FAXC: variants seen among roughly 807,000 people sequenced by gnomAD.
FAXC encodes failed axon connections homolog, metaxin like GST domain containing.
In FAXC, 10 loss-of-function variants were observed where a neutral mutation model predicts 41.9. The ratio of observed to expected loss-of-function variants is 0.24; its 90% CI spans 0.15 to 0.41. The LOEUF (loss-of-function observed/expected upper bound fraction) is 0.41. Ranked by LOEUF, FAXC falls within the 10% of genes least tolerant of loss-of-function variation. The pLI is 1.00. For missense variants in FAXC, 399 were observed against 510.9 expected, an observed-to-expected ratio of 0.78 and a Z score of 2.11; for synonymous variants, 183 against 183.8, an observed-to-expected ratio of 1.00 and a Z score of 0.03.
intron 2 of FAXC, among the ~76,000 whole-genome samples, chr6:99,339,567 T>A (rs1773341637): frequency 6.6e-6 from 1 of 152,124 alleles, no homozygotes; most frequent in African/African-American, 2.4e-5. Flanking sequence ...AAAATTTAAG[T>A]AACATAATAA....
rs754962041 is a variant in FAXC at position 99,303,257 on chromosome 6, C to T, written c.824-11437G>A. On this transcript the variant is annotated intron_variant, in intron 4 of 5. Transcript: ENST00000389677. ...TACTCAGTAAGGACAGAAGTCACAC[C>T]AGATGATGAACTCTACTTGAACACT... Among the ~76,000 whole-genome samples, 6 of 152,126 alleles carry T rather than the reference C, an allele frequency of 3.9e-5. No individual in the cohort carries two copies. The South Asian group carries it at 8.3e-4, about 21-fold the overall frequency.
intron 2 of FAXC, among the ~76,000 whole-genome samples, chr6:99,339,201 G>A (rs988718356): frequency 6.6e-6 from 1 of 152,204 alleles, no homozygotes; most frequent in Non-Finnish European, 1.5e-5. Context: ...CAACCTCCCA[G>A]TTGGTCTGTT....
rs532356601 is a variant in FAXC, at chr6:99,278,988, T to C, written c.*2176A>G. ...GTTCATAGAAAAAAATTCAAATACA[T>C]TTCTTTTCTACTAAAATGTGGTGGG... On this transcript the variant is annotated 3_prime_UTR_variant, in exon 6 of 6. Transcript: ENST00000389677. 1 of 152,360 alleles carries C rather than the reference T, an allele frequency of 6.6e-6. No individual in the cohort carries two copies. The highest frequency in any genetic ancestry group is 2.4e-5 in the African/African-American group (1 of 41,586). 9.4% of individuals were successfully genotyped at this position (152,360 alleles called of 1,614,324 possible).
intron 4 of FAXC, among the ~76,000 whole-genome samples, chr6:99,309,398 A>G (rs1182585377): frequency 6.6e-6 from 1 of 152,206 alleles, no homozygotes; most frequent in Non-Finnish European, 1.5e-5. Context: ...AGCCACAAGG[A>G]TTTCTAAGAA....
At chr6:99,294,301 C>T (rs943863271) in intron 4 of FAXC, among the ~76,000 whole-genome samples, 3 of 152,162 alleles carry the variant, frequency 2.0e-5, no homozygotes, top group African/African-American at 7.2e-5. Context: ...GGGTGCATCC[C>T]GCTGGCGCCA....
chr6:99,305,422 A>G (rs1431908852), intron 4 of FAXC, among the ~76,000 whole-genome samples: 2 of 151,884 alleles, frequency 1.3e-5, no homozygotes, highest in African/African-American at 4.8e-5. Context: ...CTACAGCCAG[A>G]CTCCCAGGGC....
chr6:99,277,717 T>C lies in FAXC; in HGVS notation c.*3447A>G, dbSNP rs1360065289. The C allele has an allele frequency of 6.6e-6, 1 of 152,082 alleles. No homozygotes were observed. Among genetic ancestry groups the C allele is most frequent in the Non-Finnish European group, 1.5e-5 (1 of 68,012 alleles). 9.4% of individuals were successfully genotyped at this position (152,082 alleles called of 1,614,324 possible). The stretch of plus-strand genomic sequence containing the variant: ...GACTTCTCAGGTAACATGCATTTTA[T>C]AAGACAACAAAGCCACAGTGGTATA... On this transcript the variant is annotated 3_prime_UTR_variant, in exon 6 of 6. Coordinates refer to ENST00000389677, the MANE Select transcript of FAXC (RefSeq NM_032511.4).
intron 1 of FAXC, 117 bp downstream of exon 1, chr6:99,348,990 C>T: frequency 1.0e-6 from 1 of 960,128 alleles, no homozygotes; most frequent in South Asian, 1.6e-5. Flanking sequence ...AATTGCAGGG[C>T]GCTTGGGCAT....
chr6:99,317,725 T>C (rs923584257), intron 4 of FAXC, among the ~76,000 whole-genome samples: 1 of 152,206 alleles, frequency 6.6e-6, no homozygotes, highest in South Asian at 2.1e-4. Context: ...CCATTCATAT[T>C]TTGTATCTCA....
chr6:99,294,028 C>T (rs1771365121), intron 4 of FAXC, among the ~76,000 whole-genome samples: 1 of 152,078 alleles, frequency 6.6e-6, no homozygotes, highest in Non-Finnish European at 1.5e-5. Flanking sequence ...ATCATTTCCC[C>T]TATATATGCC....
At chr6:99,317,135 A>G (rs527535771) in intron 4 of FAXC, among the ~76,000 whole-genome samples, 1 of 152,006 alleles carries the variant, frequency 6.6e-6, no homozygotes, top group African/African-American at 2.4e-5. Context: ...AGAAAAGTAT[A>G]TTACATTTTT....
Position 99,349,012 on chromosome 6 carries a change from G to C in FAXC, c.266+95C>G, listed in dbSNP as rs75411978. 0.12 allele frequency: 155,443 copies of C among 1,269,050 alleles called. 10,998 individuals carry two copies. Among genetic ancestry groups the C allele is most frequent in the Non-Finnish European group, 0.14 (129,339 of 910,284 alleles). The allele number at this position is 1,269,050 out of a possible 1,614,324, so 78.6% of individuals were successfully genotyped here. On this transcript the variant is annotated intron_variant, in intron 1 of 5. Coordinates refer to ENST00000389677, the MANE Select transcript of FAXC (RefSeq NM_032511.4). The stretch of plus-strand genomic sequence containing the variant: ...GGGCGCTTGGGCATCTGGGCAGCTT[G>C]ACCGAGGGGCTGGCACGGGCCCCTC...
At chr6:99,296,020 T>C (rs1263510579) in intron 4 of FAXC, among the ~76,000 whole-genome samples, 1 of 152,200 alleles carries the variant, frequency 6.6e-6, no homozygotes, top group Non-Finnish European at 1.5e-5. Flanking sequence ...TTCTTTCCCA[T>C]TTCCTAATGT....
intron 2 of FAXC, among the ~76,000 whole-genome samples, chr6:99,341,329 C>T (rs143662553): frequency 6.6e-6 from 1 of 151,114 alleles, no homozygotes; most frequent in Non-Finnish European, 1.5e-5. Context: ...TTAAAGTTGC[C>T]AATTAAAAGA....
At chr6:99,315,317 C>A (rs1288759643) in intron 4 of FAXC, among the ~76,000 whole-genome samples, 2 of 150,850 alleles carry the variant, frequency 1.3e-5, no homozygotes, top group Non-Finnish European at 2.9e-5. Flanking sequence ...TTCATCACTA[C>A]CACCACCATG....
At chr6:99,312,315 G>A (rs544626137) in intron 4 of FAXC, among the ~76,000 whole-genome samples, 14 of 152,302 alleles carry the variant, frequency 9.2e-5, no homozygotes, top group African/African-American at 3.4e-4. Flanking sequence ...TGGGAGACAG[G>A]TCCAGCCTCG....
At chr6:99,332,744 C>T (rs1410383763) in intron 3 of FAXC, among the ~76,000 whole-genome samples, 1 of 152,132 alleles carries the variant, frequency 6.6e-6, no homozygotes, top group African/African-American at 2.4e-5. Context: ...ACAATTGACC[C>T]TAGGAATTCT....
At chr6:99,339,287 G>A (rs1773332039) in intron 2 of FAXC, among the ~76,000 whole-genome samples, 1 of 152,222 alleles carries the variant, frequency 6.6e-6, no homozygotes, top group African/African-American at 2.4e-5. Context: ...AGCTGCAGGA[G>A]CCATTTGGGG....
At chr6:99,333,255 T>G (rs778498955) in intron 3 of FAXC, 96 bp downstream of exon 3, 10 of 1,075,218 alleles carry the variant, frequency 9.3e-6, no homozygotes, top group South Asian at 1.6e-5. Context: ...ACTGTTAAGG[T>G]AGAAAACTGC....
Sources: gnomAD v4.1 joint callset for allele counts (sites outside exome capture counted in the v4.1 genomes callset) on GRCh38, gnomAD v4.1.1 for gene constraint, MANE v1.5 for transcripts, NCBI Gene and HGNC (gene_info 2026-07-23, HGNC 2026-07-21) for gene names.